Variants in KCTD3 observed in about 807,000 individuals in gnomAD.
The protein encoded by KCTD3 is BTB/POZ domain-containing protein KCTD3.
In KCTD3, 41 loss-of-function variants were observed where a neutral mutation model predicts 85.8. The ratio of observed to expected loss-of-function variants is 0.48; its 90% CI spans 0.37 to 0.62. The LOEUF (loss-of-function observed/expected upper bound fraction) is 0.62, where lower values mean the gene tolerates loss of function less well. Among genes scored for constraint, KCTD3 ranks in the 20% least tolerant of loss-of-function variants. The pLI, the probability that KCTD3 is intolerant of heterozygous loss-of-function variation, is 0.00. For synonymous variants in KCTD3, 338 were observed against 345.4 expected, an observed-to-expected ratio of 0.98 and a Z score of 0.24; for missense variants, 724 against 989.9, an observed-to-expected ratio of 0.73 and a Z score of 3.60.
At chr1:215,596,271 A>G (rs1191128281) in intron 10 of KCTD3, among the ~76,000 whole-genome samples, 2 of 152,168 alleles carry the variant, frequency 1.3e-5, no homozygotes, top group Non-Finnish European at 1.5e-5. Context: ...GGGTAGGGTG[A>G]AGAATTATTA....
At chr1:215,586,792 A>G (rs1660026206) in intron 9 of KCTD3, 107 bp downstream of exon 9, 10 of 846,096 alleles carry the variant, frequency 1.2e-5, no homozygotes, top group Non-Finnish European at 1.8e-5. Context: ...TCAGTTAGCT[A>G]GAGCTGTCAC....
Position 215,611,801 on chromosome 1 carries a change from TGACA to T in KCTD3, c.1466-23_1466-20del. 6.9e-7 allele frequency: 1 copy of T among 1,455,782 alleles called. No individual in the cohort carries two copies. The highest frequency in any genetic ancestry group is 9.4e-7 in the Non-Finnish European group (1 of 1,058,694). The allele number at this position is 1,455,782 out of a possible 1,614,324, so 90.2% of individuals were successfully genotyped here. ...AAAAATAAAATTTTAATTAATTTTT[TGACA>T]TTTTTGTTTTCTGATCAAGGACCTT... On this transcript the variant is annotated intron_variant, in intron 14 of 17. Transcript: ENST00000259154.
At chr1:215,591,329 TCC>T (rs1660204112) in intron 9 of KCTD3, among the ~76,000 whole-genome samples, 2 of 149,068 alleles carry the variant, frequency 1.3e-5, no homozygotes, top group African/African-American at 5.0e-5. Context: ...CTTCCTTCCT[TCC>T]TTCCTTCCTT....
rs1363293956 is a variant in KCTD3 at position 215,621,447 on chromosome 1, TAATTA to T, written c.*837_*841del. The stretch of plus-strand genomic sequence containing the variant: ...TTTTCAGTGTTAACAACAATCATGA[TAATTA>T]AATTAAAACACTAGTTTGTTCACTT... On this transcript the variant is annotated 3_prime_UTR_variant, in exon 18 of 18. Transcript: ENST00000259154. 2 of 152,112 alleles carry T rather than the reference TAATTA, an allele frequency of 1.3e-5. No individual in the cohort carries two copies. Among genetic ancestry groups the T allele is most frequent in the East Asian group, 1.9e-4 (1 of 5,190 alleles). 9.4% of individuals were successfully genotyped at this position (152,112 alleles called of 1,614,324 possible).
chr1:215,569,190 C>T (rs138297168), intron 1 of KCTD3, among the ~76,000 whole-genome samples: 18 of 149,282 alleles, frequency 1.2e-4, no homozygotes, highest in Non-Finnish European at 1.0e-4. Context: ...GGCGCGATCT[C>T]GGCTCACTGC....
intron 14 of KCTD3, among the ~76,000 whole-genome samples, chr1:215,610,105 A>G (rs1389213193): frequency 1.3e-5 from 2 of 151,958 alleles, no homozygotes; most frequent in African/African-American, 2.4e-5. Context: ...AAATATATAT[A>G]TCTTCATAGA....
At chr1:215,580,860 A>C in intron 8 of KCTD3, 1 of 340,340 alleles carries the variant, frequency 2.9e-6, no homozygotes, top group Non-Finnish European at 5.9e-6. Context: ...TTTTTTTAAA[A>C]ATCTGAATTT....
rs1442066052 is a variant in KCTD3 at position 215,620,700 on chromosome 1, A to C, written c.*82A>C. On this transcript the variant is annotated 3_prime_UTR_variant, in exon 18 of 18. Transcript: ENST00000259154. The stretch of plus-strand genomic sequence containing the variant: ...TGAATTTCAGTACATTAGTTTTTAC[A>C]CTAAAACTTTACAAGATAAAATTGG... The C allele has an allele frequency of 1.1e-6, 1 of 945,324 alleles. No homozygotes were observed. The highest frequency in any genetic ancestry group is 1.6e-6 in the Non-Finnish European group (1 of 639,584). The allele number at this position is 945,324 out of a possible 1,614,324, so 58.6% of individuals were successfully genotyped here. A position where few individuals can be genotyped will look rare whatever the true frequency, so the allele number is the denominator to read the frequency against.
intron 8 of KCTD3, among the ~76,000 whole-genome samples, chr1:215,582,675 C>T (rs1156325050): frequency 3.3e-5 from 5 of 152,122 alleles, no homozygotes; most frequent in African/African-American, 9.7e-5. Context: ...AATTCTCCCA[C>T]CTCAGCCTCC....
At chr1:215,597,255 A>G (rs1260309224) in intron 10 of KCTD3, among the ~76,000 whole-genome samples, 2 of 151,694 alleles carry the variant, frequency 1.3e-5, no homozygotes, top group South Asian at 2.1e-4. Flanking sequence ...GAAATGTTTC[A>G]GTTTCTTGTT....
At position 215,590,671 on chromosome 1, in the gene KCTD3, C is replaced by T. The variant is rs541434631; in HGVS notation, c.817+3986C>T. On this transcript the variant is annotated intron_variant, in intron 9 of 17. Coordinates refer to ENST00000259154, the MANE Select transcript of KCTD3 (RefSeq NM_016121.5). ...ATCTGAAATGTTGGACTTTTTAGCT[C>T]TAGTATTACTTTTTGATTCCATTTT... Among the ~76,000 whole-genome samples the T allele has an allele frequency of 2.2e-4, 34 of 152,222 alleles. No homozygotes were observed. The South Asian group carries it at 7.1e-3, about 32-fold the overall frequency.
chr1:215,620,673 A>C lies in KCTD3; in HGVS notation c.*55A>C, dbSNP rs1655649273. On this transcript the variant is annotated 3_prime_UTR_variant, in exon 18 of 18. Coordinates refer to ENST00000259154, the MANE Select transcript of KCTD3 (RefSeq NM_016121.5). ...TACATTTAGATGAAAGTTAAACTTT[A>C]CTGAATTTCAGTACATTAGTTTTTA... 7.9e-7 allele frequency: 1 copy of C among 1,272,996 alleles called. No individual in the cohort carries two copies. Among genetic ancestry groups the C allele is most frequent in the East Asian group, 2.4e-5 (1 of 42,344 alleles). The allele number at this position is 1,272,996 out of a possible 1,614,324, so 78.9% of individuals were successfully genotyped here. A position where few individuals can be genotyped will look rare whatever the true frequency, so the allele number is the denominator to read the frequency against.
At chr1:215,595,270 C>T in intron 9 of KCTD3, 86 bp from the exon 10 acceptor site, 2 of 789,702 alleles carry the variant, frequency 2.5e-6, no homozygotes, top group Non-Finnish European at 4.4e-6. Context: ...ATAAATTAGT[C>T]ACCTTTAAGA....
At chr1:215,607,985 T>C in intron 13 of KCTD3, 32 bp from the exon 14 acceptor site, 1 of 1,564,356 alleles carries the variant, frequency 6.4e-7, no homozygotes, top group South Asian at 1.2e-5. Context: ...AAAAGTAATT[T>C]TGTATTCTTT....
In KCTD3 at chr1:215,601,921, C is replaced by T; in HGVS notation, c.988C>T (p.Leu330Phe). 6.2e-7 allele frequency: 1 copy of T among 1,605,706 alleles called. No homozygotes were observed. The highest frequency in any genetic ancestry group is 8.5e-7 in the Non-Finnish European group (1 of 1,172,898). ...SYDTAGSFLL[L>F]GCNNGSIYYI... ...TGACACTGCTGGATCATTCCTTCTG[C>T]TTGGATGTAACAATGGATCAATATA... The change falls in exon 11 of 18, where the codon CTT (leucine) becomes TTT (phenylalanine). Residue 330 changes from leucine (L) to phenylalanine (F), a missense_variant. Physicochemically the swap from Leu to Phe is conservative, Grantham distance 22. Coordinates refer to ENST00000259154, the MANE Select transcript of KCTD3 (RefSeq NM_016121.5).
At chr1:215,598,301 A>G (rs1654692075) in intron 10 of KCTD3, among the ~76,000 whole-genome samples, 1 of 152,138 alleles carries the variant, frequency 6.6e-6, no homozygotes, top group Admixed American at 6.6e-5. Flanking sequence ...TGGAATGGGA[A>G]AAGGAGATGC....
chr1:215,587,836 C>CT (rs1057048911), intron 9 of KCTD3, among the ~76,000 whole-genome samples: 7 of 152,118 alleles, frequency 4.6e-5, no homozygotes, highest in Non-Finnish European at 7.4e-5. Flanking sequence ...CTATTTTGTA[C>CT]TTTGAGTGGA....
At chr1:215,576,661 G>A (rs1047462776) in intron 4 of KCTD3, among the ~76,000 whole-genome samples, 3 of 150,644 alleles carry the variant, frequency 2.0e-5, no homozygotes, top group Non-Finnish European at 3.0e-5. Flanking sequence ...TCCACCTCCC[G>A]GGTTCACGCC....
rs1029328793 is a variant in KCTD3 at position 215,619,170 on chromosome 1, G to A, written c.1765G>A (p.Glu589Lys). The change falls in exon 17 of 18, where the codon GAA becomes AAA. Residue 589 changes from glutamate (E) to lysine (K), a missense_variant. This residue lies in a region of KCTD3 where 136 missense variants were observed against 197.6 expected (regional missense o/e 0.69). Coordinates refer to ENST00000259154, the MANE Select transcript of KCTD3 (RefSeq NM_016121.5). ...SEDKDVGGPT[E>K]EELLKLLDQC... ...CTCCTAAGATGTAGGTGGTCCAACC[G>A]AAGAAGAGCTACTCAAATTACTCGA... The A allele has an allele frequency of 3.1e-6, 5 of 1,613,838 alleles. No homozygotes were observed. Among genetic ancestry groups the A allele is most frequent in the Admixed American group, 1.7e-5 (1 of 59,996 alleles).
Sources: gnomAD v4.1 joint callset for allele counts (sites outside exome capture counted in the v4.1 genomes callset) on GRCh38, gnomAD v4.1.1 for gene constraint, gnomAD v4.1.1 regional missense constraint, MANE v1.5 for transcripts, NCBI Gene and HGNC (gene_info 2026-07-23, HGNC 2026-07-21) for gene names.